PRPSAP1: variants seen among roughly 807,000 people sequenced by gnomAD.
PRPSAP1 encodes the protein phosphoribosyl pyrophosphate synthetase associated protein 1, also known as phosphoribosyl pyrophosphate synthase-associated protein 1.
In PRPSAP1, 31 loss-of-function variants were observed where a neutral mutation model predicts 39.4. That is an observed-to-expected ratio of 0.79 (90% confidence interval 0.59 to 1.06). The LOEUF (loss-of-function observed/expected upper bound fraction) is 1.06, where lower values mean the gene tolerates loss of function less well. PRPSAP1 is among the 50% of genes least tolerant of loss of function. The pLI, the probability that PRPSAP1 is intolerant of heterozygous loss-of-function variation, is 0.00. For synonymous variants in PRPSAP1, 212 were observed against 192.6 expected (o/e 1.10, Z -0.83); for missense variants, 430 against 511.6 (o/e 0.84, Z 1.54).
chr17:76,342,689 G>GA (rs2071452197), intron 3 of PRPSAP1, among the ~76,000 whole-genome samples: 6 of 150,566 alleles, frequency 4.0e-5, no homozygotes, highest in Non-Finnish European at 8.8e-5. Context: ...CTGCATTCCT[G>GA]CATGAGTGAC....
chr17:76,346,980 C>T (rs1332604986), intron 2 of PRPSAP1, among the ~76,000 whole-genome samples: 3 of 152,026 alleles, frequency 2.0e-5, no homozygotes, highest in Non-Finnish European at 4.4e-5. Flanking sequence ...AAGACTGACC[C>T]AGGAGAGATG....
chr17:76,315,508 C>A (rs2071112747), intron 7 of PRPSAP1, among the ~76,000 whole-genome samples: 1 of 152,002 alleles, frequency 6.6e-6, no homozygotes, highest in South Asian at 2.1e-4. Context: ...TTTCAACAAA[C>A]ATATATTTCC....
chr17:76,325,593 T>G (rs963312146), intron 7 of PRPSAP1, among the ~76,000 whole-genome samples: 2 of 135,996 alleles, frequency 1.5e-5, no homozygotes, highest in East Asian at 2.1e-4. Context: ...CTCAGATGAC[T>G]GCTAATTTTT....
At chr17:76,319,300 A>C (rs2071160760) in intron 7 of PRPSAP1, 2 of 152,096 alleles carry the variant, frequency 1.3e-5, no homozygotes, top group South Asian at 4.1e-4. Context: ...AAATCAAGGT[A>C]ACTCACAGGT....
chr17:76,313,796 G>A, intron 8 of PRPSAP1, 25 bp downstream of exon 8: 1 of 1,613,588 alleles, frequency 6.2e-7, no homozygotes, highest in Non-Finnish European at 8.5e-7. Flanking sequence ...TGCCACCTCT[G>A]CACATGGATG....
chr17:76,344,651 A>AT lies in PRPSAP1; in HGVS notation c.290+19_290+20insA. 6.7e-7 allele frequency: 1 copy of AT among 1,487,502 alleles called. No homozygotes were observed. Among genetic ancestry groups the AT allele is most frequent in the African/African-American group, 1.6e-5 (1 of 63,356 alleles). The allele number at this position is 1,487,502 out of a possible 1,614,324, so 92.1% of individuals were successfully genotyped here. On this transcript the variant is annotated intron_variant, in intron 3 of 9. Coordinates refer to ENST00000446526, the MANE Select transcript of PRPSAP1 (RefSeq NM_002766.3). ...GTTAAGGTTTTTACAGAAAAGAGAT[A>AT]AAGTAGTCAGTCCTCTTACCTGGGT... is the stretch of plus-strand genomic sequence containing the variant.
At chr17:76,342,955 C>T (rs1483748250) in intron 3 of PRPSAP1, among the ~76,000 whole-genome samples, 3 of 151,992 alleles carry the variant, frequency 2.0e-5, no homozygotes, top group Admixed American at 2.0e-4. Flanking sequence ...TGGCAGGCAC[C>T]TGTAATCCCA....
rs867759650 is a variant in PRPSAP1, at chr17:76,329,491, T to C, written c.635+552A>G. Among the ~76,000 whole-genome samples the C allele has an allele frequency of 2.0e-5, 3 of 152,218 alleles. No individual in the cohort carries two copies. In the South Asian group the frequency reaches 6.2e-4, roughly 32 times the overall value. On this transcript the variant is annotated intron_variant, in intron 6 of 9. Coordinates refer to ENST00000446526, the MANE Select transcript of PRPSAP1 (RefSeq NM_002766.3). ...GGCTTACGCCTGTAAACCCAGCACTTTGGGAGACCAAGGCAGACAGATCAC... is the reference window on the plus strand; with the variant it reads ...GGCTTACGCCTGTAAACCCAGCACTCTGGGAGACCAAGGCAGACAGATCAC...
intron 6 of PRPSAP1, among the ~76,000 whole-genome samples, 176 bp downstream of exon 6, chr17:76,329,867 T>A (rs974798522): frequency 6.6e-6 from 1 of 152,158 alleles, no homozygotes; most frequent in Admixed American, 6.6e-5. Context: ...ATGTGTGCTG[T>A]CTGGAGGCTG....
chr17:76,350,576 T>G (rs1380565990), intron 1 of PRPSAP1, among the ~76,000 whole-genome samples: 1 of 152,238 alleles, frequency 6.6e-6, no homozygotes, highest in South Asian at 2.1e-4. Context: ...AGGCAATTCA[T>G]AGAGACAAAG....
chr17:76,324,566 A>G lies in PRPSAP1; in HGVS notation c.781+4151T>C, dbSNP rs1353682282. 2.6e-5 allele frequency among the ~76,000 whole-genome samples: 4 copies of G among 151,518 alleles called. No individual in the cohort carries two copies. The East Asian group carries it at 7.7e-4, about 29-fold the overall frequency. ...CAGTGAGCCAAGACTGCACCACTGC[A>G]CTCCAGCCTGGGCAACAAGAGCGAA... On this transcript the variant is annotated intron_variant, in intron 7 of 9. Coordinates refer to ENST00000446526, the MANE Select transcript of PRPSAP1 (RefSeq NM_002766.3).
chr17:76,353,436 G>A (rs1231468714), intron 1 of PRPSAP1, 98 bp downstream of exon 1: 24 of 1,205,794 alleles, frequency 2.0e-5, no homozygotes, highest in Non-Finnish European at 2.5e-5. Context: ...CGCCCCAGGT[G>A]CAGGAGGTGG....
upstream of PRPSAP1, chr17:76,353,946 G>A (rs943486086): frequency 3.0e-6 from 4 of 1,316,030 alleles, no homozygotes; most frequent in South Asian, 2.1e-5. Context: ...GGCATCCGAA[G>A]AGCGTCGGCT....
At chr17:76,353,501 G>A (rs760886959) in intron 1 of PRPSAP1, 33 bp downstream of exon 1, 2 of 1,468,888 alleles carry the variant, frequency 1.4e-6, no homozygotes, top group Non-Finnish European at 1.8e-6. Context: ...AGGCGCCGCC[G>A]CCCCCGGCCC....
chr17:76,353,591 C>A lies in PRPSAP1; in HGVS notation c.113G>T (p.Arg38Leu), dbSNP rs866165981. The A allele has an allele frequency of 1.9e-6, 3 of 1,561,722 alleles. No homozygotes were observed. The highest frequency in any genetic ancestry group is 1.4e-5 in the African/African-American group (1 of 71,240). ...GGCCGTGGAGTTGGCCGAGAAGACT[C>A]GGTAGCCGGTGCGAGCGGCGTTCAT... ...PAMNAARTGYRVFSANSTAAC... is the reference protein window; with the variant it reads ...PAMNAARTGYLVFSANSTAAC... The change falls in exon 1 of 10, where the codon CGA (arginine) becomes CTA (leucine). Residue 38 changes from arginine (R) to leucine (L), a missense_variant. Transcript: ENST00000446526.
intron 3 of PRPSAP1, among the ~76,000 whole-genome samples, chr17:76,341,881 G>A (rs183219694): frequency 1.1e-3 from 164 of 152,294 alleles, no homozygotes; most frequent in Admixed American, 2.6e-3. Flanking sequence ...GGAGCTTGCA[G>A]TGAGCCAAGA....
intron 1 of PRPSAP1, chr17:76,353,152 G>A (rs2071597781): frequency 5.5e-6 from 1 of 183,022 alleles, no homozygotes; most frequent in Admixed American, 6.3e-5. Context: ...GAGTGGCGGC[G>A]GTCAGATTCC....
At chr17:76,328,117 C>T (rs1006590473) in intron 7 of PRPSAP1, among the ~76,000 whole-genome samples, 1 of 150,644 alleles carries the variant, frequency 6.6e-6, no homozygotes, top group African/African-American at 2.4e-5. Context: ...GAATCACTTG[C>T]GCCCCGGTCA....
intron 1 of PRPSAP1, among the ~76,000 whole-genome samples, chr17:76,349,422 T>G (rs1567811064): frequency 6.6e-6 from 1 of 152,100 alleles, no homozygotes; most frequent in South Asian, 2.1e-4. Flanking sequence ...TAGTAAGCAT[T>G]ACTCTTTTTA....
Sources: allele counts gnomAD v4.1 joint callset (sites outside exome capture counted in the v4.1 genomes callset), GRCh38; gene constraint gnomAD v4.1.1; transcripts MANE v1.5; gene names NCBI Gene and HGNC (gene_info 2026-07-23, HGNC 2026-07-21).